Variants in GPC5 observed in about 807,000 individuals in gnomAD.
GPC5 encodes the protein glypican-5.
A neutral mutation model predicts 53.9 loss-of-function variants in GPC5; 47 were observed. The ratio of observed to expected loss-of-function variants is 0.87; its 90% CI spans 0.69 to 1.11. The LOEUF (loss-of-function observed/expected upper bound fraction) is 1.11, where lower values mean the gene tolerates loss of function less well. Among genes scored for constraint, GPC5 ranks in the 50% most tolerant of loss-of-function variants. The pLI is 0.00. For missense variants in GPC5, 748 were observed against 713.1 expected, an observed-to-expected ratio of 1.05 and a Z score of -0.56; for synonymous variants, 286 against 263.3, an observed-to-expected ratio of 1.09 and a Z score of -0.84.
intron 6 of GPC5, among the ~76,000 whole-genome samples, chr13:91,975,962 T>C (rs1354974313): frequency 6.6e-6 from 1 of 152,182 alleles, no homozygotes. Flanking sequence ...TGAGTTCATG[T>C]CCTTTGTAGG....
intron 2 of GPC5, among the ~76,000 whole-genome samples, chr13:91,668,873 G>C (rs1233204269): frequency 6.6e-6 from 1 of 152,076 alleles, no homozygotes; most frequent in African/African-American, 2.4e-5. Flanking sequence ...TTCAGTAATT[G>C]CAGTGGCATT....
chr13:92,607,354 C>T (rs1490956818), intron 7 of GPC5, among the ~76,000 whole-genome samples: 1 of 152,154 alleles, frequency 6.6e-6, no homozygotes, highest in Non-Finnish European at 1.5e-5. Context: ...GTGGCAACTT[C>T]AATTCTGCTT....
chr13:91,922,323 G>C (rs1268369846), intron 6 of GPC5, among the ~76,000 whole-genome samples: 1 of 151,766 alleles, frequency 6.6e-6, no homozygotes, highest in Non-Finnish European at 1.5e-5. Flanking sequence ...AAAACTAAAG[G>C]CGAACTTTGC....
At chr13:92,083,716 C>A (rs2041314823) in intron 6 of GPC5, among the ~76,000 whole-genome samples, 1 of 152,102 alleles carries the variant, frequency 6.6e-6, no homozygotes, top group African/African-American at 2.4e-5. Context: ...GATTGCTGGG[C>A]CAAATGGCAT....
chr13:91,680,448 C>G (rs1430860023), intron 2 of GPC5, among the ~76,000 whole-genome samples: 2 of 152,056 alleles, frequency 1.3e-5, no homozygotes, highest in East Asian at 3.9e-4. Flanking sequence ...GACTCCATCT[C>G]AAAACAAACA....
At chr13:92,540,244 C>G (rs1332017894) in intron 7 of GPC5, among the ~76,000 whole-genome samples, 1 of 151,918 alleles carries the variant, frequency 6.6e-6, no homozygotes, top group South Asian at 2.1e-4. Flanking sequence ...CATTTTTAGA[C>G]AAAGCTATTC....
chr13:92,125,924 G>GTTTTT (rs1190169532), intron 6 of GPC5, among the ~76,000 whole-genome samples: 9 of 75,858 alleles, frequency 1.2e-4, no homozygotes, highest in African/African-American at 3.2e-4. Flanking sequence ...TTGTTTTTTG[G>GTTTTT]TTTTTTTTTT....
intron 5 of GPC5, among the ~76,000 whole-genome samples, chr13:91,905,175 C>T (rs943871534): frequency 3.9e-5 from 6 of 151,996 alleles, no homozygotes; most frequent in South Asian, 4.2e-4. Flanking sequence ...ACTATCATTA[C>T]AAATATTCAA....
intron 6 of GPC5, among the ~76,000 whole-genome samples, chr13:92,100,893 A>T (rs1312960563): frequency 6.6e-6 from 1 of 152,250 alleles, no homozygotes; most frequent in African/African-American, 2.4e-5. Flanking sequence ...AGACATACAT[A>T]ATAATCTTGG....
At chr13:92,180,329 A>G (rs538904973) in intron 7 of GPC5, among the ~76,000 whole-genome samples, 118 of 152,358 alleles carry the variant, frequency 7.7e-4, no homozygotes, top group African/African-American at 2.8e-3. Flanking sequence ...ATTTTAACAA[A>G]TGGGAAAATA....
intron 2 of GPC5, among the ~76,000 whole-genome samples, chr13:91,548,095 T>A (rs2030401787): frequency 6.6e-6 from 1 of 152,120 alleles, no homozygotes. Context: ...CTTTTCAACA[T>A]TGTCCTGGGA....
At chr13:92,562,706 A>G (rs1320679746) in intron 7 of GPC5, among the ~76,000 whole-genome samples, 2 of 151,994 alleles carry the variant, frequency 1.3e-5, no homozygotes, top group African/African-American at 4.8e-5. Context: ...AGAGAGTTAC[A>G]TATTTTCAAA....
chr13:92,674,080 C>T (rs1288353488), intron 7 of GPC5, among the ~76,000 whole-genome samples: 1 of 152,178 alleles, frequency 6.6e-6, no homozygotes, highest in Non-Finnish European at 1.5e-5. Flanking sequence ...AACTGGATTA[C>T]CAAATCTATG....
chr13:91,914,259 A>G (rs2039637615), intron 6 of GPC5, among the ~76,000 whole-genome samples: 1 of 152,208 alleles, frequency 6.6e-6, no homozygotes, highest in African/African-American at 2.4e-5. Flanking sequence ...TACTTTCAAT[A>G]TGAAACAGAA....
intron 6 of GPC5, among the ~76,000 whole-genome samples, chr13:91,931,434 T>C (rs1159948004): frequency 2.0e-5 from 3 of 152,028 alleles, no homozygotes; most frequent in Non-Finnish European, 4.4e-5. Context: ...ATTTCTAAAA[T>C]TTTTATCTGC....
At chr13:91,615,647 A>AG (rs1455757550) in intron 2 of GPC5, among the ~76,000 whole-genome samples, 2 of 152,160 alleles carry the variant, frequency 1.3e-5, no homozygotes, top group Non-Finnish European at 2.9e-5. Context: ...AGCAGCTCAC[A>AG]GGGCTTCCCC....
At chr13:92,205,234 C>G (rs557768752) in intron 7 of GPC5, among the ~76,000 whole-genome samples, 16 of 151,716 alleles carry the variant, frequency 1.1e-4, no homozygotes, top group African/African-American at 3.9e-4. Context: ...CAGTTTTGCT[C>G]TTATTGCCCA....
intron 6 of GPC5, among the ~76,000 whole-genome samples, chr13:92,011,030 A>T (rs1032177762): frequency 6.6e-6 from 1 of 152,204 alleles, no homozygotes; most frequent in Non-Finnish European, 1.5e-5. Flanking sequence ...ACAGTTTTGC[A>T]TGTGTGTGAA....
chr13:92,613,228 A>G (rs1884498157), intron 7 of GPC5, among the ~76,000 whole-genome samples: 1 of 135,486 alleles, frequency 7.4e-6, no homozygotes, highest in Non-Finnish European at 1.5e-5. Flanking sequence ...GCAAGATATC[A>G]TCTCTACATT....
Sources: gnomAD v4.1 joint callset for allele counts (sites outside exome capture counted in the v4.1 genomes callset) on GRCh38, gnomAD v4.1.1 for gene constraint, MANE v1.5 for transcripts, NCBI Gene and HGNC (gene_info 2026-07-23, HGNC 2026-07-21) for gene names.